KLHDC2: variants seen among roughly 807,000 people sequenced by gnomAD.
KLHDC2 encodes the protein kelch domain-containing protein 2.
KLHDC2 carries 38 observed loss-of-function variants against 62.3 expected under a neutral mutation model. That is an observed-to-expected ratio of 0.61 (90% CI 0.47 to 0.80). The LOEUF is 0.80. Ranked by LOEUF, KLHDC2 falls within the 30% of genes least tolerant of loss-of-function variation. The pLI, the probability that KLHDC2 is intolerant of heterozygous loss-of-function variation, is 0.00. For missense variants in KLHDC2, 430 were observed against 495.3 expected (o/e 0.87, Z 1.25); for synonymous variants, 159 against 161.0 (o/e 0.99, Z 0.09).
Position 49,778,211 on chromosome 14 carries a change from T to C in KLHDC2, c.501T>C (p.Pro167=). The C allele has an allele frequency of 6.2e-7, 1 of 1,608,606 alleles. No homozygotes were observed. The highest frequency in any genetic ancestry group is 1.1e-5 in the South Asian group (1 of 89,306). ...LIFFGGYGYL[P]EDKVLGTFEF... Reference sequence around the variant, plus strand: ...TTTTTGGAGGGTATGGATATTTGCCTGAAGATAAAGTATTGGGAACTTTTG... The same window carrying C: ...TTTTTGGAGGGTATGGATATTTGCCCGAAGATAAAGTATTGGGAACTTTTG... The change falls in exon 5 of 13, where the codon CCT becomes CCC. Residue 167 remains proline, a synonymous_variant. Coordinates refer to ENST00000298307, the MANE Select transcript of KLHDC2 (RefSeq NM_014315.3).
intron 3 of KLHDC2, among the ~76,000 whole-genome samples, chr14:49,777,363 A>T (rs1889793641): frequency 1.3e-5 from 2 of 152,176 alleles, no homozygotes; most frequent in South Asian, 2.1e-4. Context: ...TTATCCATGT[A>T]ACCAAACACC....
rs1255005833 is a variant in KLHDC2 at position 49,771,623 on chromosome 14, T to A, written c.183T>A (p.Phe61Leu). The A allele has an allele frequency of 6.6e-7, 1 of 1,524,562 alleles. No individual in the cohort carries two copies. Among genetic ancestry groups the A allele is most frequent in the Non-Finnish European group, 9.1e-7 (1 of 1,098,612 alleles). 94.4% of individuals were successfully genotyped at this position (1,524,562 alleles called of 1,614,324 possible). A position where few individuals can be genotyped will look rare whatever the true frequency, so the allele number is the denominator to read the frequency against. The change falls in exon 2 of 13, where the codon TTT becomes TTA. Residue 61 changes from phenylalanine (F) to leucine (L), a missense_variant. Physicochemically the swap from Phe to Leu is conservative, Grantham distance 22. Transcript: ENST00000298307. ...ATCAAGTCAGAGGATTATATGACTTTTATCTGCCTAGAGAAGAACTATGGA... is the reference window on the plus strand; with the variant it reads ...ATCAAGTCAGAGGATTATATGACTTATATCTGCCTAGAGAAGAACTATGGA... ...KSNQVRGLYD[F>L]YLPREELWIY...
intron 9 of KLHDC2, 127 bp downstream of exon 9, chr14:49,780,449 G>C: frequency 2.8e-6 from 2 of 707,730 alleles, no homozygotes; most frequent in Non-Finnish European, 2.5e-6. Flanking sequence ...AATTAATTTT[G>C]ATCCTGTAAC....
At chr14:49,768,758 C>A (rs907340963) in intron 1 of KLHDC2, 137 bp downstream of exon 1, 3 of 774,574 alleles carry the variant, frequency 3.9e-6, no homozygotes, top group African/African-American at 3.8e-5. Flanking sequence ...AGACTCTGCC[C>A]GTTGGTTGTT....
chr14:49,781,115 G>T (rs1388372252), intron 10 of KLHDC2, among the ~76,000 whole-genome samples: 2 of 152,200 alleles, frequency 1.3e-5, no homozygotes, highest in Non-Finnish European at 2.9e-5. Flanking sequence ...GCTCATGCCG[G>T]TAATCCCAGC....
In KLHDC2 at chr14:49,769,895, C is replaced by T. The variant is rs184318983; in HGVS notation, c.153+1274C>T. Among the ~76,000 whole-genome samples, 82 of 147,854 alleles carry T rather than the reference C, an allele frequency of 5.5e-4. 1 individual carries two copies. The East Asian group carries it at 0.014, about 25-fold the overall frequency. On this transcript the variant is annotated intron_variant, in intron 1 of 12. Coordinates refer to ENST00000298307, the MANE Select transcript of KLHDC2 (RefSeq NM_014315.3). Reference sequence around the variant, plus strand: ...AGGCGGAGTTTGCAGTGAGCTGAGACGGCGCCATTGCACTCCAGCCTGGGC... The same window carrying T: ...AGGCGGAGTTTGCAGTGAGCTGAGATGGCGCCATTGCACTCCAGCCTGGGC...
In KLHDC2 at chr14:49,782,910, G is replaced by T. The variant is rs1566639739; in HGVS notation, c.1178G>T (p.Ser393Ile). 6.2e-7 allele frequency: 1 copy of T among 1,613,764 alleles called. No homozygotes were observed. The highest frequency in any genetic ancestry group is 1.1e-5 in the South Asian group (1 of 91,062). ...WNCLPKHLLH[S>I]VNQRFGSNNT... ...TGCCTTCCAAAACACTTACTTCACA[G>T]TGTTAATCAGAGGTTTGGTAGTAAC... The change falls in exon 13 of 13, where the codon AGT becomes ATT. Residue 393 changes from serine (S) to isoleucine (I), a missense_variant. Physicochemically the swap from Ser to Ile is moderately radical, Grantham distance 142. Coordinates refer to ENST00000298307, the MANE Select transcript of KLHDC2 (RefSeq NM_014315.3).
Position 49,774,521 on chromosome 14 carries a change from T to C in KLHDC2, c.234-40T>C. The C allele has an allele frequency of 2.4e-6, 3 of 1,236,020 alleles. No individual in the cohort carries two copies. In the African/African-American group the frequency reaches 4.5e-5, roughly 18 times the overall value. The allele number at this position is 1,236,020 out of a possible 1,614,324, so 76.6% of individuals were successfully genotyped here. A position where few individuals can be genotyped will look rare whatever the true frequency, so the allele number is the denominator to read the frequency against. On this transcript the variant is annotated intron_variant, in intron 2 of 12. Transcript: ENST00000298307. ...AAAAATTAATAGACTTTTGCATTTC[T>C]TCCCTTTAACTTACATACATTTAAT...
In KLHDC2 at chr14:49,785,032, A is replaced by G. The variant is rs754785443; in HGVS notation, c.*2079A>G. On this transcript the variant is annotated 3_prime_UTR_variant, in exon 13 of 13. Transcript: ENST00000298307. ...GTAAATACAAAAAAGAGTAAGAATA[A>G]TCTACTGTTAAGTCACTGAACTGTT... 5.0e-6 allele frequency: 8 copies of G among 1,608,446 alleles called. No homozygotes were observed. In the South Asian group the frequency reaches 7.7e-5, roughly 15 times the overall value.
chr14:49,782,712 CCAGTTCCTATGAAAAT>C, intron 12 of KLHDC2, 102 bp from the exon 13 acceptor site: 1 of 1,389,932 alleles, frequency 7.2e-7, no homozygotes, highest in Non-Finnish European at 9.9e-7. Context: ...ATTGCTATAA[CCAGTTCCTATGAAAAT>C]CTTTGAAGAA....
chr14:49,781,450 T>C (rs1566638232), intron 10 of KLHDC2, among the ~76,000 whole-genome samples: 1 of 150,454 alleles, frequency 6.6e-6, no homozygotes, highest in Non-Finnish European at 1.5e-5. Flanking sequence ...CGAGGTACAG[T>C]GGGATTACAG....
rs143664085 is a variant in KLHDC2 at position 49,777,896 on chromosome 14, T to C, written c.409T>C (p.Cys137Arg). Residue 137 changes from cysteine to arginine, a missense_variant, in exon 4 of 13, where the codon TGC becomes CGC. By Grantham distance (180) the Cys-to-Arg change is radical (BLOSUM62 -3). Coordinates refer to ENST00000298307, the MANE Select transcript of KLHDC2 (RefSeq NM_014315.3). The stretch of plus-strand genomic sequence containing the variant: ...AGTGTTACAGTGGGAAAGAATTGAT[T>C]GCCAAGGAATTCCTCCATCATCAAA... ...DRVLQWERID[C>R]QGIPPSSKDK... The C allele has an allele frequency of 3.7e-6, 6 of 1,612,536 alleles. No homozygotes were observed. Among genetic ancestry groups the C allele is most frequent in the Non-Finnish European group, 5.1e-6 (6 of 1,179,198 alleles).
At chr14:49,781,904 T>C (rs1889920462) in intron 10 of KLHDC2, among the ~76,000 whole-genome samples, 1 of 151,330 alleles carries the variant, frequency 6.6e-6, no homozygotes, top group African/African-American at 2.4e-5. Context: ...TCCCCAAGTA[T>C]CTAAACCAAG....
In KLHDC2 at chr14:49,783,567, A is replaced by G. The variant is rs1013964919; in HGVS notation, c.*614A>G. On this transcript the variant is annotated 3_prime_UTR_variant, in exon 13 of 13. Transcript: ENST00000298307. ...AATTAATAGGTTTTATAGCTCATGA[A>G]GGAATGGAAATAATGATGACATCAT... 2 of 152,176 alleles carry G rather than the reference A, an allele frequency of 1.3e-5. No homozygotes were observed. The highest frequency in any genetic ancestry group is 2.9e-5 in the Non-Finnish European group (2 of 68,044). The allele number at this position is 152,176 out of a possible 1,614,324, so 9.4% of individuals were successfully genotyped here.
chr14:49,768,782 C>A, intron 1 of KLHDC2, 161 bp downstream of exon 1: 2 of 620,642 alleles, frequency 3.2e-6, no homozygotes, highest in Non-Finnish European at 5.2e-6. Context: ...TTTTTGCGCG[C>A]GGGAATCTTC....
chr14:49,778,555 G>A, intron 6 of KLHDC2, 61 bp downstream of exon 6: 1 of 330,178 alleles, frequency 3.0e-6, no homozygotes, highest in Non-Finnish European at 6.3e-6. Context: ...GAGGGGTGGG[G>A]TAGGGGAGAG....
rs377083463 is a variant in KLHDC2, at chr14:49,785,275, C to A, written c.*2322C>A. On this transcript the variant is annotated 3_prime_UTR_variant, in exon 13 of 13. Coordinates refer to ENST00000298307, the MANE Select transcript of KLHDC2 (RefSeq NM_014315.3). ...CATATTGGAATGGCAAACAGTAGTA[C>A]ATCTTCAGGATGTGGCTGGCCTGTC... 29 of 1,613,870 alleles carry A rather than the reference C, an allele frequency of 1.8e-5. No individual in the cohort carries two copies. Among genetic ancestry groups the A allele is most frequent in the Non-Finnish European group, 2.5e-5 (29 of 1,179,938 alleles).
chr14:49,773,379 A>C (rs1889703433), intron 2 of KLHDC2, among the ~76,000 whole-genome samples: 2 of 132,144 alleles, frequency 1.5e-5, no homozygotes, highest in South Asian at 2.5e-4. Flanking sequence ...GCGCCACTGC[A>C]CTCCAGCCTG....
chr14:49,773,570 CTTTTT>C (rs569284056), intron 2 of KLHDC2, among the ~76,000 whole-genome samples: 4 of 74,156 alleles, frequency 5.4e-5, no homozygotes, highest in African/African-American at 1.6e-4. Context: ...AAAATAATAA[CTTTTT>C]TTTTTTTTTT....
Sources: allele counts gnomAD v4.1 joint callset (sites outside exome capture counted in the v4.1 genomes callset), GRCh38; gene constraint gnomAD v4.1.1; transcripts MANE v1.5; gene names NCBI Gene and HGNC (gene_info 2026-07-23, HGNC 2026-07-21).